Variants in ST18 observed in about 807,000 individuals in gnomAD.
The protein encoded by ST18 is suppression of tumorigenicity 18 protein.
A neutral mutation model predicts 110.0 loss-of-function variants in ST18; 50 were observed. That is an observed-to-expected ratio of 0.45 (90% CI 0.36 to 0.58). ST18 has a LOEUF of 0.58. Among genes scored for constraint, ST18 ranks in the 20% least tolerant of loss-of-function variants. ST18 has a pLI of 0.00. For synonymous variants in ST18, 461 were observed against 452.4 expected (o/e 1.02, Z -0.24); for missense variants, 1,306 against 1,280.1 (o/e 1.02, Z -0.31).
Position 52,118,389 on chromosome 8 carries a change from C to A in ST18, c.2808G>T (p.Leu936=). 1 of 1,611,704 alleles carries A rather than the reference C, an allele frequency of 6.2e-7. No homozygotes were observed. The highest frequency in any genetic ancestry group is 8.5e-7 in the Non-Finnish European group (1 of 1,179,166). The change falls in exon 24 of 26, where the codon CTG becomes CTT. Residue 936 remains leucine (L), a synonymous_variant. Transcript: ENST00000689386. The part of the protein sequence containing the change: ...IRHLDEEIKE[L]NESNLKIEAD... ...CTTCAATTTTAAGGTTGGATTCATT[C>A]AGTTCCTTTATTTCTTCATCCAAAT... is the stretch of plus-strand genomic sequence containing the variant.
chr8:52,299,867 TA>T (rs1032449874), intron 2 of ST18, among the ~76,000 whole-genome samples: 4 of 152,242 alleles, frequency 2.6e-5, no homozygotes, highest in African/African-American at 7.2e-5. Flanking sequence ...CGTGCTATTT[TA>T]AGGTGTGTTA....
At chr8:52,259,020 C>T (rs2094604174) in intron 2 of ST18, among the ~76,000 whole-genome samples, 1 of 152,156 alleles carries the variant, frequency 6.6e-6, no homozygotes, top group Admixed American at 6.5e-5. Flanking sequence ...GCTGGCCAGA[C>T]CTCATCCCTA....
intron 2 of ST18, among the ~76,000 whole-genome samples, chr8:52,314,955 G>C (rs2095997568): frequency 6.6e-6 from 1 of 152,152 alleles, no homozygotes; most frequent in South Asian, 2.1e-4. Context: ...GACAGAGAGG[G>C]CCAGGAGAAA....
intron 2 of ST18, among the ~76,000 whole-genome samples, chr8:52,295,906 A>G (rs549833317): frequency 1.3e-5 from 2 of 152,118 alleles, no homozygotes; most frequent in East Asian, 3.9e-4. Flanking sequence ...TGACTTCCGC[A>G]GAGTTCGAGG....
At chr8:52,369,053 A>G (rs1254395578) in intron 2 of ST18, among the ~76,000 whole-genome samples, 2 of 152,198 alleles carry the variant, frequency 1.3e-5, no homozygotes, top group Non-Finnish European at 2.9e-5. Context: ...GTTTGCTAAA[A>G]AAAGGAAAAA....
At chr8:52,273,084 A>G (rs986344138) in intron 2 of ST18, among the ~76,000 whole-genome samples, 1 of 152,182 alleles carries the variant, frequency 6.6e-6, no homozygotes, top group African/African-American at 2.4e-5. Context: ...TATTTTAAAG[A>G]CTATATGTTT....
chr8:52,135,962 T>G (rs1006275569), intron 19 of ST18, among the ~76,000 whole-genome samples: 2 of 152,220 alleles, frequency 1.3e-5, no homozygotes, highest in Non-Finnish European at 2.9e-5. Context: ...CTTTTAAAAT[T>G]TATGCCCTAT....
intron 2 of ST18, among the ~76,000 whole-genome samples, chr8:52,338,278 A>T (rs370228796): frequency 2.6e-5 from 4 of 151,966 alleles, no homozygotes; most frequent in African/African-American, 9.7e-5. Context: ...GGCTGGTCTC[A>T]AACTCCTGAC....
chr8:52,236,728 G>C (rs528677312), intron 2 of ST18, among the ~76,000 whole-genome samples: 2 of 152,160 alleles, frequency 1.3e-5, no homozygotes, highest in African/African-American at 2.4e-5. Context: ...TGATAGCGTG[G>C]TCTCTTAGGG....
chr8:52,160,870 T>C (rs761785025), intron 14 of ST18, among the ~76,000 whole-genome samples: 1 of 152,250 alleles, frequency 6.6e-6, no homozygotes, highest in Non-Finnish European at 1.5e-5. Context: ...TTTTCTATTA[T>C]AGTAAAATCC....
upstream of ST18, chr8:52,409,855 T>G (rs1564683133): frequency 1.3e-5 from 2 of 152,272 alleles, no homozygotes; most frequent in Non-Finnish European, 2.9e-5. Flanking sequence ...CAAAACTCTT[T>G]TCACTGAGAG....
chr8:52,234,153 G>A (rs1213820983), intron 2 of ST18, among the ~76,000 whole-genome samples: 1 of 152,176 alleles, frequency 6.6e-6, no homozygotes, highest in Non-Finnish European at 1.5e-5. Context: ...AAATGCCTTA[G>A]AAGAACTACA....
intron 2 of ST18, among the ~76,000 whole-genome samples, chr8:52,321,349 T>C (rs1464648957): frequency 2.0e-5 from 3 of 152,012 alleles, no homozygotes; most frequent in Non-Finnish European, 4.4e-5. Flanking sequence ...GTAGTGCTAT[T>C]AACTGTTAGC....
At chr8:52,259,150 G>A (rs58781601) in intron 2 of ST18, among the ~76,000 whole-genome samples, 8,572 of 152,206 alleles carry the variant, frequency 0.056, 817 homozygotes, top group African/African-American at 0.2. Context: ...GTAACAGCCT[G>A]GCAGGGCTAA....
At chr8:52,181,299 C>T (rs116647935) in intron 8 of ST18, among the ~76,000 whole-genome samples, 2,289 of 152,250 alleles carry the variant, frequency 0.015, 46 homozygotes, top group African/African-American at 0.053. Flanking sequence ...ACTAAATCCT[C>T]AGGAATATTA....
chr8:52,198,729 T>C (rs954132249), intron 8 of ST18, among the ~76,000 whole-genome samples: 1 of 152,220 alleles, frequency 6.6e-6, no homozygotes, highest in Non-Finnish European at 1.5e-5. Flanking sequence ...ATCTGTGAAA[T>C]GTTTCCGCAG....
intron 8 of ST18, chr8:52,201,350 A>G (rs1009324846): frequency 1.3e-5 from 2 of 152,084 alleles, no homozygotes. Flanking sequence ...CTAGGAGTCT[A>G]CTTCTCTCTA....
intron 2 of ST18, among the ~76,000 whole-genome samples, chr8:52,318,555 C>G (rs1393550147): frequency 6.6e-6 from 1 of 152,100 alleles, no homozygotes; most frequent in Non-Finnish European, 1.5e-5. Context: ...TGTATATACC[C>G]AAATGAATAT....
intron 2 of ST18, among the ~76,000 whole-genome samples, chr8:52,266,002 C>A (rs1454783376): frequency 6.6e-6 from 1 of 152,134 alleles, no homozygotes; most frequent in African/African-American, 2.4e-5. Flanking sequence ...CAAGAGGAAA[C>A]CGTTGATTAA....
Sources: allele counts gnomAD v4.1 joint callset (sites outside exome capture counted in the v4.1 genomes callset), GRCh38; gene constraint gnomAD v4.1.1; transcripts MANE v1.5; gene names NCBI Gene and HGNC (gene_info 2026-07-23, HGNC 2026-07-21).